DLC1: variants seen among roughly 807,000 people sequenced by gnomAD.
The protein encoded by DLC1 is rho GTPase-activating protein 7.
DLC1 carries 54 observed loss-of-function variants against 140.3 expected under a neutral mutation model. The observed-to-expected ratio is 0.38, with a 90% CI of 0.31 to 0.48. The LOEUF is 0.48. DLC1 is among the 20% of genes least tolerant of loss of function. The pLI is 0.96. For missense variants in DLC1, 2,536 were observed against 1,907.0 expected (o/e 1.33, Z -6.14); for synonymous variants, 986 against 728.1 (o/e 1.35, Z -5.70).
chr8:13,233,879 G>C (rs1309417619), intron 5 of DLC1, among the ~76,000 whole-genome samples: 1 of 152,186 alleles, frequency 6.6e-6, no homozygotes, highest in Non-Finnish European at 1.5e-5. Flanking sequence ...GTTGCAGGGA[G>C]ATGGATTTTA....
intron 5 of DLC1, among the ~76,000 whole-genome samples, chr8:13,181,608 T>G (rs1826041920): frequency 6.6e-6 from 1 of 151,962 alleles, no homozygotes; most frequent in Non-Finnish European, 1.5e-5. Context: ...GTCCTTGTGA[T>G]AGTTTGCTGA....
At chr8:13,115,480 A>T in intron 6 of DLC1, 106 bp downstream of exon 6, 1 of 1,102,150 alleles carries the variant, frequency 9.1e-7, no homozygotes. Flanking sequence ...TTAAAAATAA[A>T]ACATTTAAAC....
chr8:13,233,772 A>G (rs1316836924), intron 5 of DLC1, among the ~76,000 whole-genome samples: 1 of 152,198 alleles, frequency 6.6e-6, no homozygotes, highest in Non-Finnish European at 1.5e-5. Flanking sequence ...GGATATGCCT[A>G]AATTACTCTT....
At chr8:13,210,980 A>G (rs540692757) in intron 5 of DLC1, among the ~76,000 whole-genome samples, 14 of 152,278 alleles carry the variant, frequency 9.2e-5, no homozygotes, top group Admixed American at 7.9e-4. Flanking sequence ...ACAACTACTA[A>G]ACAAATAAAT....
intron 5 of DLC1, chr8:13,116,124 G>C (rs1820539130): frequency 2.0e-6 from 2 of 983,282 alleles, no homozygotes; most frequent in Non-Finnish European, 2.4e-6. Flanking sequence ...CCCAGGGGTT[G>C]GGTGTTTCAA....
intron 2 of DLC1, among the ~76,000 whole-genome samples, chr8:13,436,942 A>T (rs939574045): frequency 1.1e-4 from 16 of 152,184 alleles, no homozygotes; most frequent in Non-Finnish European, 1.9e-4. Context: ...CGTTTCTAAG[A>T]GGAATGGGAA....
chr8:13,284,395 C>T (rs941430464), intron 5 of DLC1, among the ~76,000 whole-genome samples: 5 of 151,966 alleles, frequency 3.3e-5, no homozygotes, highest in African/African-American at 7.3e-5. Context: ...GGCGTGGTGG[C>T]GGGCGCCTGT....
At chr8:13,594,226 A>C (rs1328905308) in intron 1 of DLC1, among the ~76,000 whole-genome samples, 1 of 152,144 alleles carries the variant, frequency 6.6e-6, no homozygotes, top group African/African-American at 2.4e-5. Context: ...ATAAACAAAT[A>C]TAAGACTGTC....
At chr8:13,267,852 G>C (rs556699194) in intron 5 of DLC1, among the ~76,000 whole-genome samples, 36 of 151,478 alleles carry the variant, frequency 2.4e-4, no homozygotes, top group Admixed American at 4.0e-4. Context: ...ATGGTATCAG[G>C]GCTTTCAAAA....
chr8:13,261,520 G>A (rs185405006), intron 5 of DLC1, among the ~76,000 whole-genome samples: 17 of 152,228 alleles, frequency 1.1e-4, no homozygotes, highest in East Asian at 5.8e-4. Flanking sequence ...CACTCTGGTC[G>A]TCATGTTTGG....
chr8:13,423,496 C>T (rs1406198263), intron 2 of DLC1, among the ~76,000 whole-genome samples: 1 of 151,882 alleles, frequency 6.6e-6, no homozygotes, highest in Non-Finnish European at 1.5e-5. Context: ...TGTGGATAAT[C>T]CTTGATTCTT....
intron 5 of DLC1, among the ~76,000 whole-genome samples, chr8:13,269,701 CAAA>C (rs57030004): frequency 1.2e-4 from 12 of 99,474 alleles, no homozygotes; most frequent in African/African-American, 4.9e-4. Flanking sequence ...AAAACTCTGT[CAAA>C]AAAAAAAAAA....
intron 5 of DLC1, among the ~76,000 whole-genome samples, chr8:13,200,872 A>T (rs1827344179): frequency 6.6e-6 from 1 of 152,182 alleles, no homozygotes; most frequent in African/African-American, 2.4e-5. Flanking sequence ...TATTGGGGAT[A>T]CAAGCATGAC....
intron 5 of DLC1, among the ~76,000 whole-genome samples, chr8:13,289,439 A>G (rs546239774): frequency 2.0e-5 from 3 of 152,008 alleles, no homozygotes; most frequent in African/African-American, 7.2e-5. Context: ...TGATCCTCCT[A>G]CCTCAGCCAC....
At chr8:13,165,228 G>T (rs1825024627) in intron 5 of DLC1, among the ~76,000 whole-genome samples, 2 of 152,100 alleles carry the variant, frequency 1.3e-5, no homozygotes, top group African/African-American at 4.8e-5. Flanking sequence ...TTGTGTATTT[G>T]TTTGCTAGAT....
At chr8:13,367,163 A>G (rs897265) in intron 4 of DLC1, among the ~76,000 whole-genome samples, 102,422 of 151,952 alleles carry the variant, frequency 0.67, 35,162 homozygotes, top group East Asian at 0.84. Context: ...TTGGGTTTCT[A>G]CTTTAGTCCT....
chr8:13,168,679 C>T (rs1309269365), intron 5 of DLC1, among the ~76,000 whole-genome samples: 1 of 152,192 alleles, frequency 6.6e-6, no homozygotes, highest in Non-Finnish European at 1.5e-5. Context: ...TTGATCTTCC[C>T]CATGGAATAA....
chr8:13,134,310 T>G (rs534269323), intron 5 of DLC1, among the ~76,000 whole-genome samples: 25 of 152,316 alleles, frequency 1.6e-4, no homozygotes, highest in African/African-American at 6.0e-4. Flanking sequence ...CTAAACTCAT[T>G]CATTCAACAA....
chr8:13,282,680 A>G (rs555367832), intron 5 of DLC1, among the ~76,000 whole-genome samples: 1 of 152,204 alleles, frequency 6.6e-6, no homozygotes, highest in East Asian at 1.9e-4. Flanking sequence ...GTAAAATTAC[A>G]GTGTGTTAGT....
Sources: gnomAD v4.1 joint callset for allele counts (sites outside exome capture counted in the v4.1 genomes callset) on GRCh38, gnomAD v4.1.1 for gene constraint, MANE v1.5 for transcripts, NCBI Gene and HGNC (gene_info 2026-07-23, HGNC 2026-07-21) for gene names.